Variants in NTM observed in about 807,000 individuals in gnomAD.
NTM encodes IgLON family member 2.
NTM carries 13 observed loss-of-function variants against 42.1 expected under a neutral mutation model. The ratio of observed to expected loss-of-function variants is 0.31; its 90% CI spans 0.20 to 0.49. The LOEUF (loss-of-function observed/expected upper bound fraction) is 0.49. NTM is among the 20% of genes least tolerant of loss of function. The probability of loss-of-function intolerance (pLI) is 0.99; values close to 1 mark genes in which losing one functional copy is unlikely to be tolerated. For missense variants in NTM, 373 were observed against 452.8 expected (o/e 0.82, Z 1.60); for synonymous variants, 187 against 179.2 (o/e 1.04, Z -0.35).
At chr11:131,776,917 C>T (rs937814608) in intron 1 of NTM, among the ~76,000 whole-genome samples, 1 of 152,084 alleles carries the variant, frequency 6.6e-6, no homozygotes, top group Admixed American at 6.5e-5. Context: ...TCTGCTCGAT[C>T]CCATTTTGCT....
intron 1 of NTM, chr11:131,455,316 G>A (rs1187373338): frequency 6.6e-6 from 1 of 152,246 alleles, no homozygotes; most frequent in Non-Finnish European, 1.5e-5. Flanking sequence ...CCCAGAGGCT[G>A]TGCAGCTCTC....
chr11:132,065,617 A>G (rs751012188), intron 2 of NTM, among the ~76,000 whole-genome samples: 5 of 152,218 alleles, frequency 3.3e-5, no homozygotes, highest in Non-Finnish European at 5.9e-5. Context: ...TTGACATGCC[A>G]TTCAAGAATT....
chr11:131,702,892 C>G (rs2076218989), intron 1 of NTM, among the ~76,000 whole-genome samples: 1 of 152,112 alleles, frequency 6.6e-6, no homozygotes, highest in Non-Finnish European at 1.5e-5. Flanking sequence ...AGTTGATAGA[C>G]TGATGTGTAT....
chr11:132,035,121 T>TA (rs1350240519), intron 2 of NTM, among the ~76,000 whole-genome samples: 1 of 152,216 alleles, frequency 6.6e-6, no homozygotes, highest in Non-Finnish European at 1.5e-5. Context: ...TGTTCCTTTC[T>TA]AAAAAACCGT....
At chr11:131,982,322 T>A (rs1413837020) in intron 2 of NTM, among the ~76,000 whole-genome samples, 1 of 151,536 alleles carries the variant, frequency 6.6e-6, no homozygotes, top group East Asian at 1.9e-4. Context: ...GTTACGAAGA[T>A]CAAGAGAAGG....
At chr11:131,817,267 A>G (rs2092989053) in intron 1 of NTM, among the ~76,000 whole-genome samples, 1 of 152,218 alleles carries the variant, frequency 6.6e-6, no homozygotes, top group African/African-American at 2.4e-5. Flanking sequence ...TATTTCATTC[A>G]TTACTACTGT....
chr11:131,472,267 C>A (rs930601965), intron 1 of NTM, among the ~76,000 whole-genome samples: 1 of 152,150 alleles, frequency 6.6e-6, no homozygotes, highest in Non-Finnish European at 1.5e-5. Context: ...TCAGCCCCCA[C>A]TCTCTGGAAG....
rs556561902 is a variant in NTM, at chr11:131,744,672, C to T, written c.83-166892C>T. Reference sequence around the variant, plus strand: ...ATTGTGTTGTTCCTGGACTCTGAAACAATTTTAGTAAACAAGCACAAGTGT... The same window carrying T: ...ATTGTGTTGTTCCTGGACTCTGAAATAATTTTAGTAAACAAGCACAAGTGT... On this transcript the variant is annotated intron_variant, in intron 1 of 8. Transcript: ENST00000683400. 1.7e-3 allele frequency among the ~76,000 whole-genome samples: 263 copies of T among 152,112 alleles called. 2 individuals carry two copies. Among genetic ancestry groups the T allele is most frequent in the African/African-American group, 6.1e-3 (252 of 41,472 alleles).
chr11:131,586,151 G>C (rs754287157), intron 1 of NTM, among the ~76,000 whole-genome samples: 10 of 151,932 alleles, frequency 6.6e-5, no homozygotes, highest in Non-Finnish European at 1.3e-4. Flanking sequence ...TGTCACCCAG[G>C]CTAGAGTGCA....
At chr11:131,601,169 T>C (rs1565690920) in intron 1 of NTM, among the ~76,000 whole-genome samples, 2 of 152,204 alleles carry the variant, frequency 1.3e-5, no homozygotes, top group Admixed American at 6.5e-5. Flanking sequence ...CCTCAACCTC[T>C]GATTTGGCTT....
chr11:132,059,342 C>T (rs955812535), intron 2 of NTM, among the ~76,000 whole-genome samples: 2 of 152,194 alleles, frequency 1.3e-5, no homozygotes, highest in Non-Finnish European at 2.9e-5. Flanking sequence ...AGTCTGGCCT[C>T]CACAAAGGAA....
chr11:131,834,215 G>A (rs576186813), intron 1 of NTM, among the ~76,000 whole-genome samples: 1 of 152,228 alleles, frequency 6.6e-6, no homozygotes, highest in South Asian at 2.1e-4. Flanking sequence ...CACGTGCCTT[G>A]AGCTGGCTTT....
intron 1 of NTM, among the ~76,000 whole-genome samples, chr11:131,698,288 A>G (rs567270071): frequency 3.1e-4 from 47 of 151,898 alleles, no homozygotes; most frequent in African/African-American, 1.1e-3. Context: ...CCCCCACCCT[A>G]CCCCAGTGCT....
intron 1 of NTM, chr11:131,671,655 C>T: frequency 1.0e-6 from 1 of 960,742 alleles, no homozygotes; most frequent in Non-Finnish European, 1.2e-6. Context: ...ACCACCAAGA[C>T]TCAGCGGTAT....
chr11:131,459,646 A>C (rs113602239), intron 1 of NTM, among the ~76,000 whole-genome samples: 3 of 152,168 alleles, frequency 2.0e-5, no homozygotes, highest in African/African-American at 7.2e-5. Context: ...GAAGAAATTT[A>C]GTAAATTTCA....
At chr11:131,660,639 C>T (rs369818904) in intron 1 of NTM, 4 of 453,328 alleles carry the variant, frequency 8.8e-6, no homozygotes, top group South Asian at 1.6e-5. Context: ...TGCACCCCTC[C>T]CCCCTTATTC....
intron 1 of NTM, among the ~76,000 whole-genome samples, chr11:131,752,648 A>G (rs1254780847): frequency 6.6e-6 from 1 of 152,198 alleles, no homozygotes; most frequent in African/African-American, 2.4e-5. Flanking sequence ...CCAAATGTCC[A>G]ACAATGATAG....
At chr11:131,394,438 GAGA>G (rs2135618072) in intron 1 of NTM, among the ~76,000 whole-genome samples, 1 of 152,268 alleles carries the variant, frequency 6.6e-6, no homozygotes, top group South Asian at 2.1e-4. Flanking sequence ...AAGTCAGAGC[GAGA>G]AGGAGAGAGG....
chr11:131,464,065 C>T (rs556400750), intron 1 of NTM, among the ~76,000 whole-genome samples: 43 of 152,286 alleles, frequency 2.8e-4, no homozygotes, highest in African/African-American at 9.9e-4. Context: ...ACTTGAGGAC[C>T]GCGAGTTTCC....
Sources: allele counts gnomAD v4.1 joint callset (sites outside exome capture counted in the v4.1 genomes callset), GRCh38; gene constraint gnomAD v4.1.1; transcripts MANE v1.5; gene names NCBI Gene and HGNC (gene_info 2026-07-23, HGNC 2026-07-21).